The following SUGCT variants were observed in gnomAD, a reference collection of about 807,000 sequenced individuals.
The protein encoded by SUGCT is succinyl-CoA:glutarate-CoA transferase.
A neutral mutation model predicts 55.0 loss-of-function variants in SUGCT; 41 were observed. The observed-to-expected ratio is 0.74, with a 90% CI of 0.58 to 0.97. The LOEUF is 0.97. Ranked by LOEUF, SUGCT falls within the 50% of genes least tolerant of loss-of-function variation. The pLI is 0.00. For missense variants in SUGCT, 568 were observed against 547.8 expected (o/e 1.04, Z -0.37); for synonymous variants, 187 against 200.4 (o/e 0.93, Z 0.56).
chr7:40,951,295 C>T, the SUGCT span, among the ~76,000 whole-genome samples: 4,619 of 152,162 alleles, frequency 0.03, 100 homozygotes, highest in Non-Finnish European at 0.048. Context: ...TCTGTAGGAT[C>T]GGTGGTGATA....
chr7:40,535,161 T>G (rs1002208334), intron 12 of SUGCT, among the ~76,000 whole-genome samples: 3 of 152,204 alleles, frequency 2.0e-5, no homozygotes, highest in Admixed American at 6.5e-5. Flanking sequence ...TTTTAATTTT[T>G]TTTCCTCCAA....
intron 8 of SUGCT, among the ~76,000 whole-genome samples, chr7:40,276,688 G>T (rs1792506770): frequency 6.6e-6 from 1 of 152,228 alleles, no homozygotes; most frequent in East Asian, 1.9e-4. Flanking sequence ...TGGGAGTAAG[G>T]GTGGGGAAGG....
intron 12 of SUGCT, among the ~76,000 whole-genome samples, chr7:40,596,068 A>T (rs1797995057): frequency 6.6e-6 from 1 of 152,076 alleles, no homozygotes; most frequent in Non-Finnish European, 1.5e-5. Context: ...CATGTTTATA[A>T]GCTAAGTTTC....
At chr7:40,527,488 A>G (rs1793866317) in intron 12 of SUGCT, among the ~76,000 whole-genome samples, 1 of 152,282 alleles carries the variant, frequency 6.6e-6, no homozygotes, top group Admixed American at 6.5e-5. Flanking sequence ...AAAAGTAAAC[A>G]CCAAATATGA....
intron 12 of SUGCT, among the ~76,000 whole-genome samples, chr7:40,615,220 G>A (rs1184346830): frequency 6.6e-6 from 1 of 151,888 alleles, no homozygotes; most frequent in Non-Finnish European, 1.5e-5. Context: ...GATCACCCAG[G>A]GAACTACAAG....
chr7:40,244,781 A>C (rs1041915302), intron 7 of SUGCT, among the ~76,000 whole-genome samples: 2 of 152,182 alleles, frequency 1.3e-5, no homozygotes, highest in Non-Finnish European at 2.9e-5. Flanking sequence ...AATCCATAAG[A>C]TACATAAGTA....
chr7:40,573,028 T>C (rs1181391048), intron 12 of SUGCT, among the ~76,000 whole-genome samples: 1 of 152,168 alleles, frequency 6.6e-6, no homozygotes. Flanking sequence ...CCACAATGTC[T>C]AAACACAAAT....
chr7:40,354,671 A>G (rs1797804745), intron 9 of SUGCT, among the ~76,000 whole-genome samples: 1 of 152,236 alleles, frequency 6.6e-6, no homozygotes, highest in South Asian at 2.1e-4. Flanking sequence ...CCAGGAGATC[A>G]GAGTGGAATG....
chr7:40,963,758 G>A, the SUGCT span, among the ~76,000 whole-genome samples: 2 of 152,164 alleles, frequency 1.3e-5, no homozygotes, highest in African/African-American at 2.4e-5. Context: ...TCTGGCAGAT[G>A]TGCCTCTAGA....
At chr7:40,290,437 A>G (rs867234366) in intron 8 of SUGCT, among the ~76,000 whole-genome samples, 158 of 152,276 alleles carry the variant, frequency 1.0e-3, no homozygotes, top group African/African-American at 3.6e-3. Flanking sequence ...GGTGCTGGGA[A>G]AACTGGCTAG....
At chr7:40,755,751 C>T (rs898444717) in intron 13 of SUGCT, among the ~76,000 whole-genome samples, 7 of 152,168 alleles carry the variant, frequency 4.6e-5, no homozygotes, top group Admixed American at 3.9e-4. Context: ...TCATTTGATT[C>T]TAGTTGCACT....
At chr7:40,742,462 T>G (rs1244754856) in intron 12 of SUGCT, among the ~76,000 whole-genome samples, 1 of 152,068 alleles carries the variant, frequency 6.6e-6, no homozygotes, top group Non-Finnish European at 1.5e-5. Flanking sequence ...TAGATTCTCA[T>G]AAACAGCGTC....
At chr7:40,806,286 A>C (rs1044188625) in intron 13 of SUGCT, among the ~76,000 whole-genome samples, 2 of 152,108 alleles carry the variant, frequency 1.3e-5, no homozygotes, top group African/African-American at 4.8e-5. Context: ...GACATGGGCA[A>C]GACTTACAGA....
At chr7:40,794,935 A>C (rs1016270249) in intron 13 of SUGCT, among the ~76,000 whole-genome samples, 2 of 152,152 alleles carry the variant, frequency 1.3e-5, no homozygotes, top group African/African-American at 4.8e-5. Flanking sequence ...AGATAATACA[A>C]GAATTTATGG....
chr7:40,967,934 G>C, the SUGCT span, among the ~76,000 whole-genome samples: 25 of 152,260 alleles, frequency 1.6e-4, no homozygotes, highest in Admixed American at 3.3e-4. Context: ...GAGGGTCTAA[G>C]ACTGGACTCA....
At chr7:40,931,749 C>A in the SUGCT span, among the ~76,000 whole-genome samples, 2 of 152,182 alleles carry the variant, frequency 1.3e-5, no homozygotes, top group African/African-American at 4.8e-5. Context: ...GTTTGTATTT[C>A]TGTGGGATCA....
chr7:40,702,411 TA>T (rs1197407876), intron 12 of SUGCT, among the ~76,000 whole-genome samples: 1 of 152,234 alleles, frequency 6.6e-6, no homozygotes, highest in African/African-American at 2.4e-5. Context: ...ACTTTTTCTG[TA>T]AAAAATACCA....
intron 12 of SUGCT, among the ~76,000 whole-genome samples, chr7:40,684,419 T>A (rs1351962436): frequency 6.6e-6 from 1 of 152,200 alleles, no homozygotes; most frequent in Non-Finnish European, 1.5e-5. Context: ...TTGTAATTTT[T>A]TAAAACATTT....
At chr7:40,396,628 C>T (rs1417565784) in intron 9 of SUGCT, among the ~76,000 whole-genome samples, 1 of 152,036 alleles carries the variant, frequency 6.6e-6, no homozygotes, top group Non-Finnish European at 1.5e-5. Context: ...AATGTTAATC[C>T]CCCAGGATGT....
Sources: gnomAD v4.1 joint callset for allele counts (sites outside exome capture counted in the v4.1 genomes callset) on GRCh38, gnomAD v4.1.1 for gene constraint, MANE v1.5 for transcripts, NCBI Gene and HGNC (gene_info 2026-07-23, HGNC 2026-07-21) for gene names.